EFHC2: variants seen among roughly 807,000 people sequenced by gnomAD.
EFHC2 encodes the protein EF-hand domain containing 2.
In EFHC2, 18 loss-of-function variants were observed where a neutral mutation model predicts 52.7. The ratio of observed to expected loss-of-function variants is 0.34; its 90% confidence interval spans 0.24 to 0.51. The LOEUF (loss-of-function observed/expected upper bound fraction) is 0.51, where lower values mean the gene tolerates loss of function less well. EFHC2 is among the 20% of genes least tolerant of loss of function. EFHC2 has a pLI of 0.97. For synonymous variants in EFHC2, 203 were observed against 204.1 expected, an observed-to-expected ratio of 0.99 and a Z score of 0.04; for missense variants, 513 against 562.5, an observed-to-expected ratio of 0.91 and a Z score of 0.89.
Position 44,261,123 on chromosome X carries a change from A to T in EFHC2, c.558T>A (p.Asn186Lys). 8.3e-7 allele frequency: 1 copy of T among 1,210,603 alleles called. No individual in the cohort carries two copies. The highest frequency in any genetic ancestry group is 1.1e-6 in the Non-Finnish European group (1 of 894,998). ...NFLRKIGVKV[N>K]PPVQCPEDPY... ...GATCTTCTGGACATTGCACTGGGGGATTCACTTTGACCCCTATTTTCCTCA... is the reference window on the plus strand; with the variant it reads ...GATCTTCTGGACATTGCACTGGGGGTTTCACTTTGACCCCTATTTTCCTCA... The change falls in exon 4 of 15, where the codon AAT becomes AAA. Residue 186 changes from asparagine to lysine, a missense_variant. Physicochemically the swap from Asn to Lys is moderately conservative, Grantham distance 94. Coordinates refer to ENST00000420999, the MANE Select transcript of EFHC2 (RefSeq NM_025184.4).
intron 11 of EFHC2, among the ~76,000 whole-genome samples, chrX:44,224,719 AC>A (rs1344027283): frequency 8.9e-6 from 1 of 112,738 alleles, no homozygotes; most frequent in Non-Finnish European, 1.9e-5. Context: ...TGGGAAAGAC[AC>A]AAGAGTGAAC....
intron 11 of EFHC2, among the ~76,000 whole-genome samples, chrX:44,211,866 C>CAAAAAAAAA (rs1164155147): frequency 2.0e-5 from 1 of 50,444 alleles, no homozygotes. Flanking sequence ...GACTCCCTCT[C>CAAAAAAAAA]AAAAAAAAAA....
At chrX:44,265,746 C>A (rs1295458377) in intron 3 of EFHC2, among the ~76,000 whole-genome samples, 1 of 111,917 alleles carries the variant, frequency 8.9e-6, no homozygotes, top group Non-Finnish European at 1.9e-5. Flanking sequence ...ACCACAATCA[C>A]ACATAACAGA....
intron 1 of EFHC2, among the ~76,000 whole-genome samples, 198 bp downstream of exon 1, chrX:44,343,349 T>C (rs755570290): frequency 4.5e-5 from 5 of 112,060 alleles, no homozygotes; most frequent in South Asian, 3.7e-4. Flanking sequence ...TCTCTATATA[T>C]TTCTAAATTA....
intron 11 of EFHC2, among the ~76,000 whole-genome samples, chrX:44,208,357 G>A (rs1439470425): frequency 8.9e-6 from 1 of 111,931 alleles, no homozygotes; most frequent in African/African-American, 3.2e-5. Context: ...TGCAGCTAGA[G>A]GCCATTATCT....
At chrX:44,330,670 C>CAAAT (rs771638938) in intron 1 of EFHC2, among the ~76,000 whole-genome samples, 1 of 110,826 alleles carries the variant, frequency 9.0e-6, no homozygotes, top group African/African-American at 3.3e-5. Context: ...ACTCTGTCTC[C>CAAAT]AAATAAATAA....
At position 44,232,632 on chromosome X, in the gene EFHC2, G is replaced by C; in HGVS notation, c.1469C>G (p.Pro490Arg). 1 of 1,199,105 alleles carries C rather than the reference G, an allele frequency of 8.3e-7. No homozygotes were observed. Among genetic ancestry groups the C allele is most frequent in the African/African-American group, 1.7e-5 (1 of 57,482 alleles). Residue 490 changes from proline (P) to arginine (R), a missense_variant, in exon 10 of 15, where the codon CCT (proline) becomes CGT (arginine). Physicochemically the swap from Pro to Arg is moderately radical, Grantham distance 103 (BLOSUM62 -2). Transcript: ENST00000420999. ...TTCACTTTTAAAGACTTCTTGTCCA[G>C]GCTTCTTAACGCGACTTCTTTTCAA... ...MFLKRSRVKK[P>R]GQEVFKSELS...
chrX:44,240,150 T>C (rs139713187), intron 8 of EFHC2, among the ~76,000 whole-genome samples: 1,277 of 112,284 alleles, frequency 0.011, 16 homozygotes, highest in African/African-American at 0.039. Flanking sequence ...TCATCTTCCT[T>C]AGGTTCTTAC....
intron 2 of EFHC2, 113 bp downstream of exon 2, chrX:44,312,455 G>A (rs2147382582): frequency 1.8e-6 from 1 of 543,934 alleles, no homozygotes; most frequent in Non-Finnish European, 2.7e-6. Flanking sequence ...AAGGCAAAAA[G>A]AAAAAGAACT....
intron 11 of EFHC2, among the ~76,000 whole-genome samples, chrX:44,209,774 G>T (rs951334059): frequency 9.2e-6 from 1 of 109,156 alleles, no homozygotes; most frequent in African/African-American, 3.3e-5. Flanking sequence ...TGTACTTACA[G>T]CCACTCCCCA....
chrX:44,208,160 A>G (rs1416170506), intron 11 of EFHC2, among the ~76,000 whole-genome samples: 1 of 112,310 alleles, frequency 8.9e-6, no homozygotes, highest in Non-Finnish European at 1.9e-5. Context: ...ACCCAAAGGA[A>G]AAGAAATCTA....
At chrX:44,260,147 A>G (rs923528199) in intron 4 of EFHC2, among the ~76,000 whole-genome samples, 5 of 110,559 alleles carry the variant, frequency 4.5e-5, no homozygotes, top group Non-Finnish European at 7.6e-5. Flanking sequence ...CGATAAACAC[A>G]TGAGGGGACT....
intron 3 of EFHC2, among the ~76,000 whole-genome samples, chrX:44,261,787 C>T (rs1156976779): frequency 1.9e-5 from 2 of 104,096 alleles, no homozygotes; most frequent in African/African-American, 3.5e-5. Flanking sequence ...AGCTAGTAAG[C>T]TTTGGAATGA....
chrX:44,186,075 A>G (rs2036871743), intron 11 of EFHC2, among the ~76,000 whole-genome samples: 1 of 111,165 alleles, frequency 9.0e-6, no homozygotes, highest in South Asian at 3.8e-4. Flanking sequence ...TCCTGTTTTG[A>G]CATGTAGTGG....
At chrX:44,272,552 GT>G (rs1215057414) in intron 3 of EFHC2, 133 bp downstream of exon 3, 10 of 608,947 alleles carry the variant, frequency 1.6e-5, no homozygotes, top group Admixed American at 4.3e-5. Context: ...CTAATGGCAT[GT>G]TTATATTCAC....
At chrX:44,313,389 G>C (rs2037962293) in intron 1 of EFHC2, among the ~76,000 whole-genome samples, 1 of 111,466 alleles carries the variant, frequency 9.0e-6, no homozygotes, top group Admixed American at 9.5e-5. Context: ...GTGCACTGCT[G>C]GTGGGAAGGT....
chrX:44,148,460 A>G lies in EFHC2; in HGVS notation c.*335T>C. 3 of 168,850 alleles carry G rather than the reference A, an allele frequency of 1.8e-5. No individual in the cohort carries two copies. The highest frequency in any genetic ancestry group is 3.3e-5 in the Non-Finnish European group (3 of 91,750). The allele number at this position is 168,850 out of a possible 1,213,427, so 13.9% of individuals were successfully genotyped here. A position where few individuals can be genotyped will look rare whatever the true frequency, so the allele number is the denominator to read the frequency against. ...ATAATTTGATTTTGTATTGTCATGT[A>G]TAACCTTCAAAAGTCATTTTCTGTT... On this transcript the variant is annotated 3_prime_UTR_variant, in exon 15 of 15. Coordinates refer to ENST00000420999, the MANE Select transcript of EFHC2 (RefSeq NM_025184.4).
chrX:44,181,934 A>G (rs2036838480), intron 11 of EFHC2, among the ~76,000 whole-genome samples: 1 of 112,853 alleles, frequency 8.9e-6, no homozygotes, highest in African/African-American at 3.2e-5. Context: ...TCCATTTTTC[A>G]TTGTGGTAAA....
At chrX:44,269,619 G>A (rs1378563768) in intron 3 of EFHC2, among the ~76,000 whole-genome samples, 1 of 110,997 alleles carries the variant, frequency 9.0e-6, no homozygotes, top group East Asian at 2.8e-4. Flanking sequence ...CATGTGACAC[G>A]CCTGCTCTCC....
Sources: allele counts gnomAD v4.1 joint callset (sites outside exome capture counted in the v4.1 genomes callset), GRCh38; gene constraint gnomAD v4.1.1; transcripts MANE v1.5; gene names NCBI Gene and HGNC (gene_info 2026-07-23, HGNC 2026-07-21).